The following MDGA2 variants were observed in gnomAD, a reference collection of about 807,000 sequenced individuals.
The protein encoded by MDGA2 is MAM domain-containing glycosylphosphatidylinositol anchor protein 2.
In MDGA2, 40 loss-of-function variants were observed where a neutral mutation model predicts 117.8. The observed-to-expected ratio is 0.34, with a 90% CI of 0.26 to 0.44. The LOEUF is 0.44. MDGA2 is among the 20% of genes least tolerant of loss of function. MDGA2 has a pLI of 1.00. For missense variants in MDGA2, 1,123 were observed against 1,250.6 expected (o/e 0.90, Z 1.54); for synonymous variants, 452 against 439.0 (o/e 1.03, Z -0.37).
chr14:46,849,355 A>G (rs914237084), intron 15 of MDGA2, among the ~76,000 whole-genome samples: 7 of 151,836 alleles, frequency 4.6e-5, no homozygotes, highest in African/African-American at 1.4e-4. Flanking sequence ...AACAGGTTGA[A>G]TTTCACCAAT....
intron 9 of MDGA2, among the ~76,000 whole-genome samples, chr14:46,922,598 C>T (rs1190114481): frequency 6.6e-6 from 1 of 152,096 alleles, no homozygotes; most frequent in Non-Finnish European, 1.5e-5. Flanking sequence ...AGGATGAATT[C>T]ATCTCTAAGG....
intron 1 of MDGA2, among the ~76,000 whole-genome samples, chr14:47,531,821 T>C (rs530088098): frequency 6.6e-6 from 1 of 152,360 alleles, no homozygotes; most frequent in Admixed American, 6.5e-5. Flanking sequence ...GTAAAAACCA[T>C]ATAAATTTGA....
chr14:46,920,442 A>G (rs562644654), intron 9 of MDGA2, among the ~76,000 whole-genome samples: 1 of 152,222 alleles, frequency 6.6e-6, no homozygotes, highest in African/African-American at 2.4e-5. Context: ...TGAAATCTGG[A>G]GAAAGAAGAT....
intron 1 of MDGA2, among the ~76,000 whole-genome samples, chr14:47,390,536 G>T (rs1345543141): frequency 6.6e-6 from 1 of 152,188 alleles, no homozygotes; most frequent in East Asian, 1.9e-4. Context: ...GATGAATTAT[G>T]TGTGACAAAT....
chr14:47,109,788 A>C (rs1331912686), intron 5 of MDGA2, among the ~76,000 whole-genome samples: 3 of 152,128 alleles, frequency 2.0e-5, no homozygotes, highest in African/African-American at 7.2e-5. Context: ...TCTACCAAAA[A>C]TACAAAAATT....
At chr14:46,946,257 GA>G (rs991763238) in intron 9 of MDGA2, among the ~76,000 whole-genome samples, 1 of 152,040 alleles carries the variant, frequency 6.6e-6, no homozygotes, top group Non-Finnish European at 1.5e-5. Context: ...TTGGAGGGGA[GA>G]TTGTAGGCAG....
At position 47,097,105 on chromosome 14, in the gene MDGA2, A is replaced by C. The variant is rs1566621879; in HGVS notation, c.944T>G (p.Leu315Arg). The change falls in exon 6 of 17, where the codon CTC becomes CGC. Residue 315 changes from leucine (L) to arginine (R), a missense_variant. Coordinates refer to ENST00000399232, the MANE Select transcript of MDGA2 (RefSeq NM_001113498.3). ...SNKTASPSIKLLVDDPIVVNP... is the reference protein window; with the variant it reads ...SNKTASPSIKRLVDDPIVVNP... ...TACAACTATAGGATCATCCACCAAG[A>C]GTTTAATTGACGGTGATGCTAAAAG... is the stretch of plus-strand genomic sequence containing the variant. The C allele has an allele frequency of 6.2e-7, 1 of 1,612,574 alleles. No homozygotes were observed. The highest frequency in any genetic ancestry group is 2.2e-5 in the East Asian group (1 of 44,846).
Position 47,359,096 on chromosome 14 carries a change from C to T in MDGA2, c.281-57546G>A, listed in dbSNP as rs1285179204. Among the ~76,000 whole-genome samples the T allele has an allele frequency of 5.9e-5, 9 of 152,354 alleles. No homozygotes were observed. The East Asian group carries it at 1.7e-3, about 29-fold the overall frequency. On this transcript the variant is annotated intron_variant, in intron 1 of 16. Transcript: ENST00000399232. ...ACTGGCCAGGCACGGTGGCTCACGCCTGTAATCCCAGCACTTTGGGAGGCC... is the reference window on the plus strand; with the variant it reads ...ACTGGCCAGGCACGGTGGCTCACGCTTGTAATCCCAGCACTTTGGGAGGCC...
chr14:47,602,164 C>G (rs1023089216), intron 1 of MDGA2, among the ~76,000 whole-genome samples: 1 of 152,080 alleles, frequency 6.6e-6, no homozygotes, highest in Non-Finnish European at 1.5e-5. Context: ...ATTTTGCTTC[C>G]ATCTTCTACC....
At chr14:47,197,181 T>C (rs528367464) in intron 3 of MDGA2, among the ~76,000 whole-genome samples, 1 of 152,276 alleles carries the variant, frequency 6.6e-6, no homozygotes, top group African/African-American at 2.4e-5. Flanking sequence ...TAAAGGTTCA[T>C]TGCTGCTATT....
At chr14:47,497,414 G>A (rs61450965) in intron 1 of MDGA2, among the ~76,000 whole-genome samples, 7 of 151,920 alleles carry the variant, frequency 4.6e-5, no homozygotes, top group African/African-American at 9.7e-5. Context: ...GCACCACCAC[G>A]CCCAGCTAAT....
intron 1 of MDGA2, among the ~76,000 whole-genome samples, chr14:47,540,540 G>GTGTGTGTGTGTGTATATATATATATA: frequency 1.1e-3 from 87 of 79,166 alleles, no homozygotes; most frequent in Middle Eastern, 6.3e-3. Context: ...GTGTGTGTGT[G>GTGTGTGTGTGTGTATATATATATATA]TATATATATA....
intron 1 of MDGA2, among the ~76,000 whole-genome samples, chr14:47,552,669 AT>A (rs760132352): frequency 6.6e-5 from 10 of 152,206 alleles, no homozygotes; most frequent in Non-Finnish European, 1.5e-4. Flanking sequence ...TAAAAAAAAA[AT>A]GTAAGAGAAA....
intron 1 of MDGA2, among the ~76,000 whole-genome samples, chr14:47,418,201 C>T (rs905918932): frequency 6.6e-6 from 1 of 152,058 alleles, no homozygotes; most frequent in Non-Finnish European, 1.5e-5. Context: ...CTCAACCTCC[C>T]GAGTTGAGGA....
At chr14:47,084,133 G>A (rs1231888925) in intron 6 of MDGA2, among the ~76,000 whole-genome samples, 4 of 152,028 alleles carry the variant, frequency 2.6e-5, no homozygotes, top group African/African-American at 4.8e-5. Context: ...AAGTTCCCAT[G>A]GAACATAGGA....
At chr14:47,214,533 C>T (rs1436317211) in intron 3 of MDGA2, among the ~76,000 whole-genome samples, 1 of 151,914 alleles carries the variant, frequency 6.6e-6, no homozygotes, top group East Asian at 1.9e-4. Context: ...AATCTATATA[C>T]CTTAATATTT....
At chr14:47,076,780 G>C (rs148652465) in intron 6 of MDGA2, among the ~76,000 whole-genome samples, 1 of 152,108 alleles carries the variant, frequency 6.6e-6, no homozygotes, top group East Asian at 1.9e-4. Flanking sequence ...GATTATATCA[G>C]AATTAATTTT....
intron 8 of MDGA2, among the ~76,000 whole-genome samples, chr14:47,033,157 G>A (rs1888721963): frequency 6.6e-6 from 1 of 152,128 alleles, no homozygotes. Context: ...ATCTTATGCT[G>A]AATTTATTTT....
intron 6 of MDGA2, among the ~76,000 whole-genome samples, chr14:47,091,591 AT>A (rs1879658746): frequency 6.6e-6 from 1 of 152,128 alleles, no homozygotes; most frequent in Admixed American, 6.6e-5. Context: ...ATGATGAGGA[AT>A]TTTAATTCCA....
Sources: allele counts gnomAD v4.1 joint callset (sites outside exome capture counted in the v4.1 genomes callset), GRCh38; gene constraint gnomAD v4.1.1; transcripts MANE v1.5; gene names NCBI Gene and HGNC (gene_info 2026-07-23, HGNC 2026-07-21).